The following NRF1 variants were observed in gnomAD, a reference collection of about 807,000 sequenced individuals.
NRF1 encodes the protein nuclear respiratory factor 1, also known as alpha palindromic-binding protein.
In NRF1, 5 loss-of-function variants were observed where a neutral mutation model predicts 58.5. The observed-to-expected ratio is 0.09, with a 90% CI of 0.04 to 0.18. NRF1 has a LOEUF of 0.18. NRF1 is among the 10% of genes least tolerant of loss of function. NRF1 has a pLI of 1.00. For missense variants in NRF1, 288 were observed against 657.7 expected (o/e 0.44, Z 6.15); for synonymous variants, 224 against 246.7 (o/e 0.91, Z 0.86).
intron 3 of NRF1, among the ~76,000 whole-genome samples, chr7:129,676,992 G>C (rs893687637): frequency 6.8e-6 from 1 of 147,386 alleles, no homozygotes; most frequent in Non-Finnish European, 1.5e-5. Flanking sequence ...TTCTGTAAGA[G>C]CACATCTTGG....
intron 3 of NRF1, among the ~76,000 whole-genome samples, chr7:129,677,173 G>T (rs1284717064): frequency 6.6e-6 from 1 of 151,904 alleles, no homozygotes; most frequent in African/African-American, 2.4e-5. Flanking sequence ...ACCATGTCTG[G>T]GTAATGTTTT....
At position 129,729,837 on chromosome 7, in the gene NRF1, G is replaced by A. The variant is rs538918188; in HGVS notation, c.1348+2472G>A. On this transcript the variant is annotated intron_variant, in intron 10 of 10. Coordinates refer to ENST00000393232, the MANE Select transcript of NRF1 (RefSeq NM_005011.5). ...TTGCCAGAGTTTGTTGCTTCTTTTT[G>A]TTTTTGTTTTTGTTTTTTGAGACAG... Among the ~76,000 whole-genome samples, 13 of 152,070 alleles carry A rather than the reference G, an allele frequency of 8.5e-5. No homozygotes were observed. The East Asian group carries it at 2.5e-3, about 29-fold the overall frequency.
intron 1 of NRF1, among the ~76,000 whole-genome samples, chr7:129,654,881 G>A (rs1801616424): frequency 1.3e-5 from 2 of 152,178 alleles, no homozygotes; most frequent in African/African-American, 4.8e-5. Flanking sequence ...AAGTCTTAAA[G>A]TTGTGTGGTA....
intron 10 of NRF1, among the ~76,000 whole-genome samples, chr7:129,740,422 T>G (rs887679956): frequency 6.6e-6 from 1 of 152,182 alleles, no homozygotes; most frequent in African/African-American, 2.4e-5. Flanking sequence ...CCAGGGCCAG[T>G]GAGTCTTCAT....
chr7:129,695,066 A>G (rs1802656049), intron 5 of NRF1, among the ~76,000 whole-genome samples: 1 of 152,194 alleles, frequency 6.6e-6, no homozygotes, highest in Non-Finnish European at 1.5e-5. Context: ...GCAGTGAATT[A>G]TATTTGTGGT....
intron 5 of NRF1, among the ~76,000 whole-genome samples, chr7:129,707,357 C>G (rs1584659907): frequency 6.6e-6 from 1 of 152,236 alleles, no homozygotes; most frequent in African/African-American, 2.4e-5. Context: ...CCAGACTCTC[C>G]TAGGTATGAA....
At chr7:129,642,547 A>G (rs1346499281) in intron 1 of NRF1, among the ~76,000 whole-genome samples, 1 of 152,148 alleles carries the variant, frequency 6.6e-6, no homozygotes, top group African/African-American at 2.4e-5. Flanking sequence ...TATACAATAT[A>G]GGCTCATTTT....
chr7:129,622,241 A>T (rs1478289965), intron 1 of NRF1, among the ~76,000 whole-genome samples: 2 of 152,166 alleles, frequency 1.3e-5, no homozygotes. Context: ...CGAGCAGAAA[A>T]AATAAACATA....
Position 129,649,714 on chromosome 7 carries a change from C to T in NRF1, c.-6-7632C>T, listed in dbSNP as rs75308584. Among the ~76,000 whole-genome samples, 1,140 of 152,200 alleles carry T rather than the reference C, an allele frequency of 7.5e-3. 10 individuals are homozygous for T. The highest frequency in any genetic ancestry group is 0.011 in the Non-Finnish European group (723 of 68,014). ...TTCTGTACCAGAGAGTACCCCTACC[C>T]CAACCTCTTGTAGTTTATATTATAA... On this transcript the variant is annotated intron_variant, in intron 1 of 10. Transcript: ENST00000393232.
rs34153868 is a variant in NRF1, at chr7:129,664,018, G to A, written c.223+6444G>A. Among the ~76,000 whole-genome samples, 1,006 of 151,294 alleles carry A rather than the reference G, an allele frequency of 6.6e-3. 2 individuals are homozygous for A. Among genetic ancestry groups the A allele is most frequent in the Non-Finnish European group, 0.011 (716 of 67,794 alleles). Reference sequence around the variant, plus strand: ...CGTGTGCCTGGAATCCCAGGCACTCGCCAGGCCGAGGCAGGAGAATCACCG... The same window carrying A: ...CGTGTGCCTGGAATCCCAGGCACTCACCAGGCCGAGGCAGGAGAATCACCG... On this transcript the variant is annotated intron_variant, in intron 2 of 10. Transcript: ENST00000393232.
At chr7:129,675,901 A>G (rs1221754963) in intron 3 of NRF1, among the ~76,000 whole-genome samples, 1 of 152,218 alleles carries the variant, frequency 6.6e-6, no homozygotes, top group Non-Finnish European at 1.5e-5. Context: ...CTCTCTAGCT[A>G]GGAAAGTCCT....
At chr7:129,751,672 C>CTT (rs10695964) in intron 10 of NRF1, among the ~76,000 whole-genome samples, 25,550 of 152,200 alleles carry the variant, frequency 0.17, 2,402 homozygotes, top group African/African-American at 0.27. Context: ...CAGCAAGGGA[C>CTT]TTGTTCCCCA....
At chr7:129,744,150 T>TTTTTA in intron 10 of NRF1, 1 of 1,463,320 alleles carries the variant, frequency 6.8e-7, no homozygotes, top group Non-Finnish European at 9.1e-7. Flanking sequence ...TTTTTTTTTT[T>TTTTTA]AACAGTTCTG....
At chr7:129,744,908 A>C (rs987674811) in intron 10 of NRF1, among the ~76,000 whole-genome samples, 7 of 152,120 alleles carry the variant, frequency 4.6e-5, no homozygotes, top group African/African-American at 1.7e-4. Context: ...GCTCAGATAG[A>C]AGAGGCAGGG....
At position 129,695,589 on chromosome 7, in the gene NRF1, C is replaced by A. The variant is rs1431043457; in HGVS notation, c.606+5043C>A. The stretch of plus-strand genomic sequence containing the variant: ...AGACTCGATCTCAAAAAAAAAAAAA[C>A]AAAAAAAACTGATTGTAAAGTAGCA... On this transcript the variant is annotated intron_variant, in intron 5 of 10. Transcript: ENST00000393232. Among the ~76,000 whole-genome samples, 356 of 137,454 alleles carry A rather than the reference C, an allele frequency of 2.6e-3. 2 individuals are homozygous for A. The highest frequency in any genetic ancestry group is 7.8e-3 in the African/African-American group (299 of 38,152). The allele number at this position is 137,454 out of a possible 152,430, so 90.2% of individuals were successfully genotyped here. A position where few individuals can be genotyped will look rare whatever the true frequency, so the allele number is the denominator to read the frequency against.
chr7:129,658,739 G>T (rs769121757), intron 2 of NRF1, among the ~76,000 whole-genome samples: 2 of 151,946 alleles, frequency 1.3e-5, no homozygotes, highest in Non-Finnish European at 2.9e-5. Flanking sequence ...TTCATTTTTG[G>T]TATACAGTTG....
intron 8 of NRF1, among the ~76,000 whole-genome samples, chr7:129,711,859 T>G (rs1215101470): frequency 6.6e-6 from 1 of 152,208 alleles, no homozygotes; most frequent in African/African-American, 2.4e-5. Flanking sequence ...CCTTTACCAT[T>G]TTTATGCTGT....
At chr7:129,691,633 G>A (rs950399401) in intron 5 of NRF1, among the ~76,000 whole-genome samples, 2 of 152,004 alleles carry the variant, frequency 1.3e-5, no homozygotes, top group African/African-American at 4.8e-5. Context: ...GGGATTACAG[G>A]CGTGAGCCAC....
intron 9 of NRF1, among the ~76,000 whole-genome samples, chr7:129,719,622 T>G (rs1044216519): frequency 4.6e-5 from 7 of 152,018 alleles, no homozygotes; most frequent in Non-Finnish European, 1.0e-4. Context: ...ATGTTGCTCT[T>G]GTTGCTCTTC....
Sources: allele counts gnomAD v4.1 joint callset (sites outside exome capture counted in the v4.1 genomes callset), GRCh38; gene constraint gnomAD v4.1.1; transcripts MANE v1.5; gene names NCBI Gene and HGNC (gene_info 2026-07-23, HGNC 2026-07-21).